Variants in WNK2 observed in about 807,000 individuals in gnomAD.
WNK2 encodes the protein serine/threonine-protein kinase WNK2.
A neutral mutation model predicts 192.1 loss-of-function variants in WNK2; 67 were observed. The ratio of observed to expected loss-of-function variants is 0.35; its 90% CI spans 0.29 to 0.43. The LOEUF (loss-of-function observed/expected upper bound fraction) is 0.43, where lower values mean the gene tolerates loss of function less well. Among genes scored for constraint, WNK2 ranks in the 20% least tolerant of loss-of-function variants. WNK2 has a pLI of 1.00. For missense variants in WNK2, 2,698 were observed against 3,089.7 expected, an observed-to-expected ratio of 0.87 and a Z score of 3.01; for synonymous variants, 1,439 against 1,393.9, an observed-to-expected ratio of 1.03 and a Z score of -0.72.
chr9:93,254,647 A>G (rs1843032475), intron 9 of WNK2, among the ~76,000 whole-genome samples: 2 of 152,196 alleles, frequency 1.3e-5, no homozygotes, highest in African/African-American at 2.4e-5. Flanking sequence ...GTGAAATACA[A>G]TTTTAAACAG....
At chr9:93,256,889 G>A (rs889079765) in intron 10 of WNK2, 59 bp from the exon 11 acceptor site, 7 of 1,451,378 alleles carry the variant, frequency 4.8e-6, no homozygotes, top group Non-Finnish European at 6.4e-6. Flanking sequence ...TGTAACCAGT[G>A]GGGTGCGCTT....
At chr9:93,244,081 G>A (rs888036396) in intron 7 of WNK2, among the ~76,000 whole-genome samples, 5 of 152,216 alleles carry the variant, frequency 3.3e-5, no homozygotes, top group East Asian at 1.9e-4. Flanking sequence ...GTGGCAGAGC[G>A]AGACCCTGTC....
intron 28 of WNK2, 52 bp downstream of exon 28, chr9:93,308,636 T>C (rs1289653305): frequency 1.3e-6 from 2 of 1,500,734 alleles, no homozygotes; most frequent in Admixed American, 2.1e-5. Context: ...TAGCCTTGCC[T>C]CCAGCATTTG....
intron 2 of WNK2, among the ~76,000 whole-genome samples, chr9:93,211,679 T>TTCAC (rs1042177385): frequency 3.3e-5 from 5 of 150,254 alleles, no homozygotes; most frequent in Non-Finnish European, 5.9e-5. Context: ...TTCACTCCTA[T>TTCAC]TCACTCACTC....
chr9:93,193,421 A>G (rs1296160026), intron 2 of WNK2, among the ~76,000 whole-genome samples: 1 of 152,216 alleles, frequency 6.6e-6, no homozygotes, highest in Non-Finnish European at 1.5e-5. Context: ...CTCCCCCTGC[A>G]AAATAAACAG....
intron 2 of WNK2, among the ~76,000 whole-genome samples, chr9:93,206,981 TGAG>T (rs1833511765): frequency 6.6e-6 from 1 of 151,980 alleles, no homozygotes; most frequent in African/African-American, 2.4e-5. Context: ...ATCTGCTGAG[TGAG>T]GAGGACAGCT....
At chr9:93,275,368 G>A (rs1490431178) in intron 19 of WNK2, among the ~76,000 whole-genome samples, 1 of 151,890 alleles carries the variant, frequency 6.6e-6, no homozygotes, top group Non-Finnish European at 1.5e-5. Context: ...ATTCCAGCCT[G>A]GGCAACATAG....
intron 5 of WNK2, among the ~76,000 whole-genome samples, chr9:93,235,935 G>C (rs1055442124): frequency 2.6e-5 from 4 of 152,210 alleles, no homozygotes; most frequent in African/African-American, 9.7e-5. Context: ...TCCCTTGGTT[G>C]TTGTAAATCA....
intron 19 of WNK2, among the ~76,000 whole-genome samples, chr9:93,287,037 G>A (rs1848544332): frequency 6.6e-6 from 1 of 152,098 alleles, no homozygotes; most frequent in South Asian, 2.1e-4. Context: ...TACCATTGAG[G>A]GCATAAAGTT....
chr9:93,222,355 T>A (rs1313439524), intron 2 of WNK2, among the ~76,000 whole-genome samples: 2 of 152,102 alleles, frequency 1.3e-5, no homozygotes, highest in African/African-American at 2.4e-5. Context: ...CCTCCCTTTT[T>A]AAATAAAATA....
intron 19 of WNK2, 173 bp downstream of exon 19, chr9:93,268,919 T>C (rs1442359145): frequency 1.3e-6 from 2 of 1,558,738 alleles, no homozygotes; most frequent in Non-Finnish European, 1.7e-6. Flanking sequence ...CCTTGTTTTC[T>C]GCTGAATCAG....
At chr9:93,199,301 C>G (rs1192323502) in intron 2 of WNK2, among the ~76,000 whole-genome samples, 1 of 152,180 alleles carries the variant, frequency 6.6e-6, no homozygotes, top group Non-Finnish European at 1.5e-5. Context: ...AGGCTTCCCC[C>G]AATGTCAAGG....
chr9:93,246,415 T>C (rs1429082298), intron 7 of WNK2, among the ~76,000 whole-genome samples: 1 of 152,210 alleles, frequency 6.6e-6, no homozygotes, highest in Admixed American at 6.5e-5. Flanking sequence ...CAAGTACGCA[T>C]GTGTCTGTGC....
At chr9:93,219,914 C>G (rs1419469151) in intron 2 of WNK2, among the ~76,000 whole-genome samples, 1 of 152,228 alleles carries the variant, frequency 6.6e-6, no homozygotes, top group Non-Finnish European at 1.5e-5. Flanking sequence ...AGAGTGCAGG[C>G]GCATCCAGGC....
chr9:93,246,532 G>T (rs145889999), intron 7 of WNK2, among the ~76,000 whole-genome samples: 2 of 152,316 alleles, frequency 1.3e-5, no homozygotes, highest in African/African-American at 2.4e-5. Flanking sequence ...CCAGCAAAAA[G>T]GTTCCTGTTG....
chr9:93,320,144 A>G (rs1421085142), intron 29 of WNK2, among the ~76,000 whole-genome samples: 1 of 152,202 alleles, frequency 6.6e-6, no homozygotes. Flanking sequence ...GGTTTCTGGC[A>G]GCCGTTCAGT....
chr9:93,234,750 C>G (rs577730297), intron 4 of WNK2, 58 bp from the exon 5 acceptor site: 5 of 1,569,432 alleles, frequency 3.2e-6, no homozygotes, highest in Non-Finnish European at 3.5e-6. Context: ...GACACTGGCT[C>G]CAGCTCTTCC....
At chr9:93,260,786 C>G (rs1313790052) in intron 12 of WNK2, among the ~76,000 whole-genome samples, 1 of 152,196 alleles carries the variant, frequency 6.6e-6, no homozygotes, top group Non-Finnish European at 1.5e-5. Flanking sequence ...TGCTGTTGGT[C>G]CCAGCAGGTT....
chr9:93,261,699 G>A (rs1844283176), intron 12 of WNK2, 115 bp from the exon 13 acceptor site: 3 of 1,255,660 alleles, frequency 2.4e-6, no homozygotes, highest in South Asian at 2.8e-5. Context: ...GGAGGGTGTG[G>A]TCTGGAGAGG....
Sources: gnomAD v4.1 joint callset for allele counts (sites outside exome capture counted in the v4.1 genomes callset) on GRCh38, gnomAD v4.1.1 for gene constraint, MANE v1.5 for transcripts, NCBI Gene and HGNC (gene_info 2026-07-23, HGNC 2026-07-21) for gene names.